Variants in CEP83 observed in about 807,000 individuals in gnomAD.
The protein encoded by CEP83 is centrosomal protein 83.
In CEP83, 70 loss-of-function variants were observed where a neutral mutation model predicts 101.9. The ratio of observed to expected loss-of-function variants is 0.69; its 90% CI spans 0.57 to 0.84. The LOEUF (loss-of-function observed/expected upper bound fraction) is 0.84, where lower values mean the gene tolerates loss of function less well. CEP83 is among the 40% of genes least tolerant of loss of function. The probability of loss-of-function intolerance (pLI) is 0.00; values close to 1 mark genes in which losing one functional copy is unlikely to be tolerated. For synonymous variants in CEP83, 264 were observed against 267.9 expected, an observed-to-expected ratio of 0.99 and a Z score of 0.14; for missense variants, 715 against 787.2, an observed-to-expected ratio of 0.91 and a Z score of 1.10.
At chr12:94,395,693 T>C (rs1338101985) in intron 6 of CEP83, among the ~76,000 whole-genome samples, 1 of 151,942 alleles carries the variant, frequency 6.6e-6, no homozygotes, top group Non-Finnish European at 1.5e-5. Flanking sequence ...GCATGGTGGG[T>C]GCCTGTAGTC....
the CEP83 span, chr12:94,282,000 T>A: frequency 3.2e-6 from 1 of 308,338 alleles, no homozygotes; most frequent in Non-Finnish European, 6.2e-6. Flanking sequence ...TATACAAATT[T>A]GCTTCTGGAA....
chr12:94,267,889 C>T, the CEP83 span, among the ~76,000 whole-genome samples: 2 of 152,130 alleles, frequency 1.3e-5, no homozygotes, highest in Non-Finnish European at 2.9e-5. Flanking sequence ...CAAGCATGTA[C>T]ACCCAGCCAT....
At chr12:94,375,799 TAAAGA>T (rs927530606) in intron 8 of CEP83, 82 bp downstream of exon 8, 8 of 670,024 alleles carry the variant, frequency 1.2e-5, no homozygotes, top group Non-Finnish European at 1.8e-5. Context: ...CATTTCAGTA[TAAAGA>T]AATCAATTAT....
chr12:94,297,646 G>A, the CEP83 span, among the ~76,000 whole-genome samples: 6 of 152,090 alleles, frequency 3.9e-5, no homozygotes, highest in East Asian at 1.2e-3. Flanking sequence ...TCTTCAGTCA[G>A]GGATTTAATA....
intron 14 of CEP83, among the ~76,000 whole-genome samples, chr12:94,324,017 CA>C: frequency 6.6e-6 from 1 of 152,118 alleles, no homozygotes; most frequent in East Asian, 1.9e-4. Flanking sequence ...CCTATATTCC[CA>C]GAATAAAACC....
intron 11 of CEP83, among the ~76,000 whole-genome samples, chr12:94,341,781 A>C (rs1386264144): frequency 6.6e-6 from 1 of 152,234 alleles, no homozygotes; most frequent in Non-Finnish European, 1.5e-5. Context: ...AAACAAAACA[A>C]AACAAAACCT....
chr12:94,370,832 A>C (rs550135080), intron 8 of CEP83, among the ~76,000 whole-genome samples: 1 of 152,246 alleles, frequency 6.6e-6, no homozygotes, highest in Admixed American at 6.5e-5. Context: ...CTAAAAAAAA[A>C]TTTAAAAATT....
At chr12:94,335,565 G>C (rs766416602) in intron 12 of CEP83, 24 bp downstream of exon 12, 3 of 1,457,736 alleles carry the variant, frequency 2.1e-6, no homozygotes, top group Non-Finnish European at 2.8e-6. Context: ...AAAAATAAAA[G>C]GAAAATCTTC....
chr12:94,399,010 T>C (rs772602051), intron 6 of CEP83, among the ~76,000 whole-genome samples: 11 of 152,234 alleles, frequency 7.2e-5, no homozygotes, highest in Non-Finnish European at 1.6e-4. Context: ...TTAAGATGTT[T>C]ATCAAGACAA....
chr12:94,426,682 G>A (rs2065224757), intron 2 of CEP83, among the ~76,000 whole-genome samples: 1 of 152,112 alleles, frequency 6.6e-6, no homozygotes, highest in African/African-American at 2.4e-5. Context: ...TTTAAAAAAA[G>A]GGTGGGGTGA....
At chr12:94,326,689 A>G (rs2136430687) in intron 14 of CEP83, among the ~76,000 whole-genome samples, 1 of 152,314 alleles carries the variant, frequency 6.6e-6, no homozygotes. Flanking sequence ...ACATAACAGG[A>G]GTGAAATCTG....
chr12:94,272,805 G>A, the CEP83 span, among the ~76,000 whole-genome samples: 1 of 152,232 alleles, frequency 6.6e-6, no homozygotes. Context: ...TGGCACCGGA[G>A]GCACAGGGTG....
chr12:94,329,212 T>C lies in CEP83; in HGVS notation c.1707+2488A>G, dbSNP rs747719239. Among the ~76,000 whole-genome samples, 9 of 152,320 alleles carry C rather than the reference T, an allele frequency of 5.9e-5. No individual in the cohort carries two copies. The South Asian group carries it at 1.9e-3, about 32-fold the overall frequency. ...ACATTTCAGTAGAAAAAAAAATTCA[T>C]CCTGTCACAATACTAATGAAATGTT... On this transcript the variant is annotated intron_variant, in intron 14 of 16. Coordinates refer to ENST00000397809, the MANE Select transcript of CEP83 (RefSeq NM_016122.3).
intron 2 of CEP83, among the ~76,000 whole-genome samples, chr12:94,423,526 G>A (rs540575304): frequency 7.3e-6 from 1 of 137,828 alleles, no homozygotes; most frequent in East Asian, 2.1e-4. Flanking sequence ...CACAAAAAAA[G>A]TGATGGCTCC....
intron 6 of CEP83, among the ~76,000 whole-genome samples, chr12:94,397,789 T>C (rs2062992592): frequency 6.6e-6 from 1 of 152,240 alleles, no homozygotes; most frequent in Non-Finnish European, 1.5e-5. Flanking sequence ...GCTAGAAATC[T>C]TTATCATTCC....
chr12:94,405,395 A>G (rs1017354629), intron 4 of CEP83, among the ~76,000 whole-genome samples: 7 of 152,214 alleles, frequency 4.6e-5, no homozygotes, highest in African/African-American at 1.7e-4. Flanking sequence ...ATATTATTTG[A>G]TTCAAAATAA....
Position 94,441,874 on chromosome 12 carries a change from C to T in CEP83, c.-154-6547G>A, listed in dbSNP as rs1031538806. On this transcript the variant is annotated intron_variant, in intron 1 of 16. Coordinates refer to ENST00000397809, the MANE Select transcript of CEP83 (RefSeq NM_016122.3). ...AGCTTGCAGTGAGCCGAGATCGCAC[C>T]ACTGCACTCCAGCCTGGGCGACAGA... is the stretch of plus-strand genomic sequence containing the variant. Among the ~76,000 whole-genome samples the T allele has an allele frequency of 2.9e-5, 4 of 139,868 alleles. No individual in the cohort carries two copies. In the Admixed American group the frequency reaches 3.1e-4, roughly 11 times the overall value. The allele number at this position is 139,868 out of a possible 152,430, so 91.8% of individuals were successfully genotyped here. A position where few individuals can be genotyped will look rare whatever the true frequency, so the allele number is the denominator to read the frequency against.
Position 94,370,053 on chromosome 12 carries a change from A to G in CEP83, c.934-17T>C, listed in dbSNP as rs757311041. The G allele has an allele frequency of 3.6e-6, 5 of 1,375,744 alleles. No homozygotes were observed. Among genetic ancestry groups the G allele is most frequent in the Non-Finnish European group, 5.2e-6 (5 of 966,284 alleles). 85.2% of individuals were successfully genotyped at this position (1,375,744 alleles called of 1,614,324 possible). A position where few individuals can be genotyped will look rare whatever the true frequency, so the allele number is the denominator to read the frequency against. On this transcript the variant is annotated splice_polypyrimidine_tract_variant and intron_variant, in intron 8 of 16. Transcript: ENST00000397809. ...TTCTTTTACCTGTTGATAATTAAAA[A>G]CTGAAATTACTATTGGTCATTTTCT...
rs566345492 is a variant in CEP83, at chr12:94,369,929, T to C, written c.1041A>G (p.Glu347=). The C allele has an allele frequency of 3.2e-6, 5 of 1,545,944 alleles. No homozygotes were observed. The South Asian group carries it at 4.5e-5, about 14-fold the overall frequency. Reference sequence around the variant, plus strand: ...AGGGAAATCACATATTACCATCCAGTTCACTTTGAATCTTATTCCTTTCTC... The same window carrying C: ...AGGGAAATCACATATTACCATCCAGCTCACTTTGAATCTTATTCCTTTCTC... The part of the protein sequence containing the change: ...LERERNKIQS[E]LDGLQSDNEI... Residue 347 remains glutamate (E), a synonymous_variant, in exon 9 of 17, where the codon GAA becomes GAG. Transcript: ENST00000397809.
Sources: allele counts gnomAD v4.1 joint callset (sites outside exome capture counted in the v4.1 genomes callset), GRCh38; gene constraint gnomAD v4.1.1; transcripts MANE v1.5; gene names NCBI Gene and HGNC (gene_info 2026-07-23, HGNC 2026-07-21).